HOXB3: variants seen among roughly 807,000 people sequenced by gnomAD.
The protein encoded by HOXB3 is homeobox B3, also known as homeobox protein Hox-B3.
HOXB3 carries 17 observed loss-of-function variants against 29.2 expected under a neutral mutation model. The ratio of observed to expected loss-of-function variants is 0.58; its 90% CI spans 0.40 to 0.87. The LOEUF (loss-of-function observed/expected upper bound fraction) is 0.87, where lower values mean the gene tolerates loss of function less well. Ranked by LOEUF, HOXB3 falls within the 40% of genes least tolerant of loss-of-function variation. The pLI, the probability that HOXB3 is intolerant of heterozygous loss-of-function variation, is 0.00. For synonymous variants in HOXB3, 317 were observed against 285.9 expected (o/e 1.11, Z -1.10); for missense variants, 637 against 616.3 (o/e 1.03, Z -0.35).
chr17:48,577,923 G>A lies in HOXB3; in HGVS notation c.-424-3909C>T, dbSNP rs746214801. ...ACGACGGGCTCTTTGCACGCGGAGT[G>A]GGACGGGCTGGGGTGCAGGGGGTTC... On this transcript the variant is annotated intron_variant, in intron 1 of 4. Transcript: ENST00000498678. The A allele has an allele frequency of 1.5e-6, 2 of 1,371,248 alleles. No homozygotes were observed. The highest frequency in any genetic ancestry group is 3.0e-5 in the Admixed American group (1 of 33,506). 84.9% of individuals were successfully genotyped at this position (1,371,248 alleles called of 1,614,324 possible).
chr17:48,571,096 G>A (rs1269631598), intron 2 of HOXB3, among the ~76,000 whole-genome samples: 1 of 152,150 alleles, frequency 6.6e-6, no homozygotes, highest in African/African-American at 2.4e-5. Context: ...TACTCTTTTC[G>A]GATCCTGGGA....
intron 3 of HOXB3, 177 bp from the exon 4 acceptor site, chr17:48,552,809 A>T (rs1258338299): frequency 1.1e-4 from 32 of 291,842 alleles, no homozygotes; most frequent in Non-Finnish European, 1.5e-4. Flanking sequence ...AAAAAATAAA[A>T]AAATAAATAA....
intron 1 of HOXB3, among the ~76,000 whole-genome samples, chr17:48,574,724 G>A (rs1252060746): frequency 6.6e-6 from 1 of 152,074 alleles, no homozygotes; most frequent in African/African-American, 2.4e-5. Flanking sequence ...AGCTTCTGAG[G>A]GTCACCTGCA....
At chr17:48,568,635 ACG>A (rs1453408658) in intron 2 of HOXB3, among the ~76,000 whole-genome samples, 1 of 146,010 alleles carries the variant, frequency 6.8e-6, no homozygotes, top group African/African-American at 2.5e-5. Flanking sequence ...GCAGACGCGC[ACG>A]CACACACACG....
intron 2 of HOXB3, among the ~76,000 whole-genome samples, chr17:48,556,143 G>GC (rs2068981424): frequency 6.8e-6 from 1 of 146,498 alleles, no homozygotes; most frequent in Non-Finnish European, 1.5e-5. Flanking sequence ...AAGAAGGAGG[G>GC]TTTTTTTTTT....
intron 1 of HOXB3, chr17:48,576,898 C>A: frequency 1.2e-6 from 2 of 1,614,242 alleles, no homozygotes; most frequent in Non-Finnish European, 1.7e-6. Context: ...TGGGCGATCT[C>A]CACCCTCCGG....
At chr17:48,576,779 C>G (rs200388738) in intron 1 of HOXB3, 9 of 1,613,962 alleles carry the variant, frequency 5.6e-6, no homozygotes, top group Non-Finnish European at 7.6e-6. Flanking sequence ...CTGAGCCTGC[C>G]GCACCACCCG....
intron 1 of HOXB3, chr17:48,581,723 A>T (rs2069945024): frequency 6.6e-6 from 1 of 152,230 alleles, no homozygotes; most frequent in South Asian, 2.1e-4. Flanking sequence ...CCCAAGAGAG[A>T]GGAACAGGCG....
chr17:48,586,979 G>A (rs1220529847), intron 1 of HOXB3, among the ~76,000 whole-genome samples: 1 of 152,164 alleles, frequency 6.6e-6, no homozygotes, highest in African/African-American at 2.4e-5. Flanking sequence ...ACAAGGAAGA[G>A]TGGGGTGGGG....
In HOXB3 at chr17:48,549,727, G is replaced by A. The variant is rs2068642627; in HGVS notation, c.*607C>T. 6.5e-6 allele frequency: 1 copy of A among 153,268 alleles called. No individual in the cohort carries two copies. The highest frequency in any genetic ancestry group is 2.1e-4 in the South Asian group (1 of 4,860). 9.5% of individuals were successfully genotyped at this position (153,268 alleles called of 1,614,324 possible). A position where few individuals can be genotyped will look rare whatever the true frequency, so the allele number is the denominator to read the frequency against. ...CCCTCTAAAAACTGTAATTGATGGG[G>A]GTGGGATGTATAGATATGAATGTTC... On this transcript the variant is annotated 3_prime_UTR_variant, in exon 5 of 5. Transcript: ENST00000498678.
intron 2 of HOXB3, among the ~76,000 whole-genome samples, chr17:48,567,308 C>T (rs1395947847): frequency 2.6e-5 from 4 of 152,218 alleles, no homozygotes. Flanking sequence ...TAATTAACAC[C>T]TGGGCGCGGC....
chr17:48,567,341 AAGGTTTACACTAGC>A (rs1161251122), intron 2 of HOXB3, among the ~76,000 whole-genome samples: 1 of 152,254 alleles, frequency 6.6e-6, no homozygotes. Context: ...TCCCTGCTCA[AAGGTTTACACTAGC>A]AGGCAGAGTT....
intron 1 of HOXB3, 93 bp downstream of exon 1, chr17:48,590,032 C>T (rs1047911738): frequency 6.6e-6 from 1 of 152,240 alleles, no homozygotes; most frequent in Non-Finnish European, 1.5e-5. Flanking sequence ...TCCCCTACAT[C>T]ACCCCACAGC....
chr17:48,570,921 CT>C (rs1255393625), intron 2 of HOXB3, among the ~76,000 whole-genome samples: 1 of 152,234 alleles, frequency 6.6e-6, no homozygotes, highest in African/African-American at 2.4e-5. Context: ...GAAAAACACT[CT>C]GCTAAAGTCT....
At chr17:48,563,194 GA>G (rs2069259363) in intron 2 of HOXB3, among the ~76,000 whole-genome samples, 2 of 152,226 alleles carry the variant, frequency 1.3e-5, no homozygotes, top group African/African-American at 2.4e-5. Flanking sequence ...GGCACACAGG[GA>G]AAGGGTAGAG....
At chr17:48,568,318 T>C (rs1255680662) in intron 2 of HOXB3, among the ~76,000 whole-genome samples, 1 of 152,226 alleles carries the variant, frequency 6.6e-6, no homozygotes, top group Non-Finnish European at 1.5e-5. Context: ...GGTCATTGAC[T>C]GGGTTTATAT....
chr17:48,556,143 G>GTT (rs35527404), intron 2 of HOXB3, among the ~76,000 whole-genome samples: 221 of 146,444 alleles, frequency 1.5e-3, no homozygotes, highest in Non-Finnish European at 1.8e-3. Context: ...AAGAAGGAGG[G>GTT]TTTTTTTTTT....
chr17:48,551,364 G>A (rs909463507), intron 4 of HOXB3, 183 bp from the exon 5 acceptor site: 6 of 581,114 alleles, frequency 1.0e-5, no homozygotes, highest in African/African-American at 9.9e-5. Flanking sequence ...TCGCATTAGC[G>A]GACACTCTAT....
intron 1 of HOXB3, chr17:48,578,114 C>A: frequency 7.5e-7 from 1 of 1,327,854 alleles, no homozygotes; most frequent in Non-Finnish European, 9.8e-7. Flanking sequence ...CCCAGGGTCC[C>A]GGCAGGCCGC....
Sources: allele counts gnomAD v4.1 joint callset (sites outside exome capture counted in the v4.1 genomes callset), GRCh38; gene constraint gnomAD v4.1.1; transcripts MANE v1.5; gene names NCBI Gene and HGNC (gene_info 2026-07-23, HGNC 2026-07-21).